PLA2G4A: variants seen among roughly 807,000 people sequenced by gnomAD.
PLA2G4A encodes the protein cytosolic phospholipase A2.
Under a neutral mutation model 81.9 loss-of-function variants are expected in PLA2G4A, and 40 were observed. The ratio of observed to expected loss-of-function variants is 0.49; its 90% CI spans 0.38 to 0.64. The LOEUF (loss-of-function observed/expected upper bound fraction) is 0.64. Among genes scored for constraint, PLA2G4A ranks in the 30% least tolerant of loss-of-function variants. The pLI, the probability that PLA2G4A is intolerant of heterozygous loss-of-function variation, is 0.00. For synonymous variants in PLA2G4A, 302 were observed against 296.9 expected, an observed-to-expected ratio of 1.02 and a Z score of -0.18; for missense variants, 715 against 905.1, an observed-to-expected ratio of 0.79 and a Z score of 2.69.
At chr1:186,837,300 A>T (rs1427133768) in intron 1 of PLA2G4A, among the ~76,000 whole-genome samples, 1 of 152,174 alleles carries the variant, frequency 6.6e-6, no homozygotes, top group African/African-American at 2.4e-5. Flanking sequence ...TGGCTCCTGG[A>T]TACAGGGTAA....
At chr1:186,890,252 A>G (rs964072267) in intron 3 of PLA2G4A, among the ~76,000 whole-genome samples, 8 of 152,322 alleles carry the variant, frequency 5.3e-5, no homozygotes, top group Non-Finnish European at 8.8e-5. Context: ...TAGCTTCTGA[A>G]GATGTACAGC....
Position 186,834,766 on chromosome 1 carries a change from A to G in PLA2G4A, c.-70+5731A>G, listed in dbSNP as rs568218327. On this transcript the variant is annotated intron_variant, in intron 1 of 17. Transcript: ENST00000367466. Reference sequence around the variant, plus strand: ...ATGTAAAAAGTGCTGATTTTGCCAAATGTTTTGCTTTCAGGTTGGTCGTAG... The same window carrying G: ...ATGTAAAAAGTGCTGATTTTGCCAAGTGTTTTGCTTTCAGGTTGGTCGTAG... Among the ~76,000 whole-genome samples the G allele has an allele frequency of 3.9e-5, 6 of 152,262 alleles. No homozygotes were observed. In the South Asian group the frequency reaches 1.2e-3, roughly 32 times the overall value.
intron 7 of PLA2G4A, among the ~76,000 whole-genome samples, chr1:186,923,022 G>A (rs2102182892): frequency 6.6e-6 from 1 of 152,302 alleles, no homozygotes; most frequent in African/African-American, 2.4e-5. Context: ...GGTCCAGGGT[G>A]TAGTGCCAGG....
At chr1:186,873,733 A>G (rs1035525900) in intron 3 of PLA2G4A, among the ~76,000 whole-genome samples, 4 of 152,084 alleles carry the variant, frequency 2.6e-5, no homozygotes, top group South Asian at 4.1e-4. Flanking sequence ...TCAGAATAAA[A>G]TCAGCAACAA....
intron 3 of PLA2G4A, among the ~76,000 whole-genome samples, chr1:186,875,545 A>G (rs986379792): frequency 6.6e-6 from 1 of 152,086 alleles, no homozygotes; most frequent in Non-Finnish European, 1.5e-5. Flanking sequence ...TGATTAATGC[A>G]TGAAATGTAC....
chr1:186,877,202 G>A (rs1037541370), intron 3 of PLA2G4A, among the ~76,000 whole-genome samples: 1 of 151,976 alleles, frequency 6.6e-6, no homozygotes, highest in African/African-American at 2.4e-5. Context: ...GACTACTCGC[G>A]TGTCCTGTGT....
At chr1:186,944,264 G>C (rs1222699085) in intron 10 of PLA2G4A, among the ~76,000 whole-genome samples, 1 of 152,118 alleles carries the variant, frequency 6.6e-6, no homozygotes, top group Non-Finnish European at 1.5e-5. Flanking sequence ...AAAAGGTAGA[G>C]TCACCAGCAG....
chr1:186,857,718 A>G (rs540762316), intron 2 of PLA2G4A, among the ~76,000 whole-genome samples: 1 of 151,808 alleles, frequency 6.6e-6, no homozygotes, highest in South Asian at 2.1e-4. Flanking sequence ...CATCATTTAC[A>G]TTAGGTATTT....
chr1:186,867,262 T>A (rs7521601), intron 2 of PLA2G4A, among the ~76,000 whole-genome samples: 128,278 of 152,016 alleles, frequency 0.84, 54,290 homozygotes, highest in African/African-American at 0.9. Flanking sequence ...TTTTATTGGG[T>A]CTTTGTTGAA....
rs142996970 is a variant in PLA2G4A at position 186,875,426 on chromosome 1, C to A, written c.115+4910C>A. Among the ~76,000 whole-genome samples, 1,477 of 151,984 alleles carry A rather than the reference C, an allele frequency of 9.7e-3. 31 individuals carry two copies. The highest frequency in any genetic ancestry group is 0.034 in the African/African-American group (1,390 of 41,462). On this transcript the variant is annotated intron_variant, in intron 3 of 17. Coordinates refer to ENST00000367466, the MANE Select transcript of PLA2G4A (RefSeq NM_024420.3). ...AATACCACAATTATAATGTTAAATT[C>A]TGAAATTATTTTATACTAAAATCAT...
intron 1 of PLA2G4A, among the ~76,000 whole-genome samples, chr1:186,837,936 C>G (rs957152311): frequency 5.3e-5 from 8 of 151,942 alleles, no homozygotes; most frequent in African/African-American, 1.9e-4. Flanking sequence ...AAGGGGAACC[C>G]AAGTGCACCT....
intron 1 of PLA2G4A, among the ~76,000 whole-genome samples, chr1:186,851,770 A>G (rs1241622460): frequency 6.6e-6 from 1 of 152,060 alleles, no homozygotes; most frequent in Non-Finnish European, 1.5e-5. Flanking sequence ...ATGTTATCCA[A>G]TAAATATAAA....
chr1:186,836,943 C>T (rs916547655), intron 1 of PLA2G4A, among the ~76,000 whole-genome samples: 2 of 152,068 alleles, frequency 1.3e-5, no homozygotes, highest in Admixed American at 6.6e-5. Context: ...ACAGATGTGA[C>T]GGATAAAAAG....
Position 186,830,966 on chromosome 1 carries a change from CTT to C in PLA2G4A, c.-70+1933_-70+1934del, listed in dbSNP as rs1553266594. ...GCTTGCTTGCTTGCTTGCTTTCTTTCTTTCTTTCTTTCTTTCTTTCTTTCTTT... is the reference window on the plus strand; with the variant it reads ...GCTTGCTTGCTTGCTTGCTTTCTTTCTCTTTCTTTCTTTCTTTCTTTCTTT... On this transcript the variant is annotated intron_variant, in intron 1 of 17. Coordinates refer to ENST00000367466, the MANE Select transcript of PLA2G4A (RefSeq NM_024420.3). 6.2e-3 allele frequency among the ~76,000 whole-genome samples: 406 copies of C among 65,374 alleles called. 4 individuals carry two copies. The highest frequency in any genetic ancestry group is 0.013 in the African/African-American group (220 of 16,852). 42.9% of individuals were successfully genotyped at this position (65,374 alleles called of 152,430 possible). A position where few individuals can be genotyped will look rare whatever the true frequency, so the allele number is the denominator to read the frequency against.
chr1:186,923,452 A>G (rs1001270317), intron 7 of PLA2G4A, among the ~76,000 whole-genome samples: 2 of 152,208 alleles, frequency 1.3e-5, no homozygotes, highest in Non-Finnish European at 2.9e-5. Flanking sequence ...AACATTTGTA[A>G]TTTATTGAGA....
At chr1:186,917,144 C>T (rs1044121459) in intron 7 of PLA2G4A, among the ~76,000 whole-genome samples, 7 of 152,056 alleles carry the variant, frequency 4.6e-5, no homozygotes, top group East Asian at 1.9e-4. Flanking sequence ...TCCTTTCCAC[C>T]GTGGCCGCAA....
chr1:186,934,463 T>TATACACACAC (rs368585350), intron 8 of PLA2G4A, among the ~76,000 whole-genome samples: 6 of 143,514 alleles, frequency 4.2e-5, no homozygotes, highest in African/African-American at 1.5e-4. Context: ...TATATATATA[T>TATACACACAC]ACATACACAG....
chr1:186,892,304 T>A (rs1298802152), intron 3 of PLA2G4A, among the ~76,000 whole-genome samples: 1 of 152,162 alleles, frequency 6.6e-6, no homozygotes, highest in Non-Finnish European at 1.5e-5. Flanking sequence ...TTTGATGTGA[T>A]CCCATTTGCC....
At chr1:186,888,107 C>T (rs2102098525) in intron 3 of PLA2G4A, among the ~76,000 whole-genome samples, 1 of 152,240 alleles carries the variant, frequency 6.6e-6, no homozygotes, top group African/African-American at 2.4e-5. Flanking sequence ...CCACTCTGGA[C>T]ATACATTTTA....
Sources: gnomAD v4.1 joint callset for allele counts (sites outside exome capture counted in the v4.1 genomes callset) on GRCh38, gnomAD v4.1.1 for gene constraint, MANE v1.5 for transcripts, NCBI Gene and HGNC (gene_info 2026-07-23, HGNC 2026-07-21) for gene names.